Variants in SLC15A2 observed in about 807,000 individuals in gnomAD.
SLC15A2 encodes kidney H(+)/peptide cotransporter.
SLC15A2 carries 77 observed loss-of-function variants against 95.5 expected under a neutral mutation model. That is an observed-to-expected ratio of 0.81 (90% CI 0.67 to 0.97). The LOEUF is 0.97. SLC15A2 is among the 50% of genes least tolerant of loss of function. The probability of loss-of-function intolerance (pLI) is 0.00; values close to 1 mark genes in which losing one functional copy is unlikely to be tolerated. For missense variants in SLC15A2, 893 were observed against 874.4 expected, an observed-to-expected ratio of 1.02 and a Z score of -0.27; for synonymous variants, 306 against 306.9, an observed-to-expected ratio of 1.00 and a Z score of 0.03.
chr3:121,923,328 A>C, intron 11 of SLC15A2, 62 bp downstream of exon 11: 4 of 1,527,652 alleles, frequency 2.6e-6, no homozygotes, highest in Non-Finnish European at 3.6e-6. Flanking sequence ...ATTGGGGAAA[A>C]ATTAATTTCT....
At chr3:121,930,205 A>G (rs1261734241) in intron 17 of SLC15A2, among the ~76,000 whole-genome samples, 1 of 152,190 alleles carries the variant, frequency 6.6e-6, no homozygotes, top group Non-Finnish European at 1.5e-5. Context: ...CCAGAGACCA[A>G]ATCAAAAGCT....
chr3:121,929,198 C>G (rs947310024), intron 16 of SLC15A2, 52 bp downstream of exon 16: 3 of 1,602,196 alleles, frequency 1.9e-6, no homozygotes, highest in Non-Finnish European at 2.6e-6. Context: ...AGTAATATGA[C>G]TGTCTCATCA....
rs569920627 is a variant in SLC15A2, at chr3:121,930,081, T to A, written c.1553+733T>A. On this transcript the variant is annotated intron_variant, in intron 17 of 21. Coordinates refer to ENST00000489711, the MANE Select transcript of SLC15A2 (RefSeq NM_021082.4). ...CAGCTCAAAATAAGACAATGTGAGG[T>A]CAGAGAGCCATGGGCCCCCAGAAGG... is the stretch of plus-strand genomic sequence containing the variant. Among the ~76,000 whole-genome samples the A allele has an allele frequency of 5.3e-5, 8 of 152,290 alleles. No homozygotes were observed. In the South Asian group the frequency reaches 1.7e-3, roughly 32 times the overall value.
chr3:121,919,632 C>T (rs888401816), intron 7 of SLC15A2, among the ~76,000 whole-genome samples: 4 of 152,124 alleles, frequency 2.6e-5, no homozygotes, highest in South Asian at 2.1e-4. Context: ...TATCAGGAAC[C>T]GGCAAGTCGG....
intron 17 of SLC15A2, among the ~76,000 whole-genome samples, chr3:121,929,650 G>A (rs1710193587): frequency 6.6e-6 from 1 of 152,034 alleles, no homozygotes; most frequent in African/African-American, 2.4e-5. Flanking sequence ...TTCTCTCTGT[G>A]ATCGCCAGAG....
Position 121,941,200 on chromosome 3 carries a change from C to T in SLC15A2, c.*193C>T, listed in dbSNP as rs904408185. ...AGGCCCCAGAGACTCTATGTCTGCCCGTCCATCAGTGAACTCATTAAAACT... is the reference window on the plus strand; with the variant it reads ...AGGCCCCAGAGACTCTATGTCTGCCTGTCCATCAGTGAACTCATTAAAACT... On this transcript the variant is annotated 3_prime_UTR_variant, in exon 22 of 22. Coordinates refer to ENST00000489711, the MANE Select transcript of SLC15A2 (RefSeq NM_021082.4). 8 of 514,812 alleles carry T rather than the reference C, an allele frequency of 1.6e-5. No homozygotes were observed. Among genetic ancestry groups the T allele is most frequent in the Admixed American group, 3.5e-5 (1 of 28,372 alleles). 31.9% of individuals were successfully genotyped at this position (514,812 alleles called of 1,614,324 possible). A position where few individuals can be genotyped will look rare whatever the true frequency, so the allele number is the denominator to read the frequency against.
At chr3:121,913,855 C>T (rs188313210) in intron 5 of SLC15A2, among the ~76,000 whole-genome samples, 80 of 152,244 alleles carry the variant, frequency 5.3e-4, no homozygotes, top group Admixed American at 1.2e-3. Flanking sequence ...TTTTGTCTGT[C>T]TTCATGTATC....
intron 7 of SLC15A2, among the ~76,000 whole-genome samples, chr3:121,919,661 T>C (rs1576681139): frequency 1.3e-5 from 2 of 152,198 alleles, no homozygotes; most frequent in Admixed American, 1.3e-4. Flanking sequence ...CTTTAAACTG[T>C]CTTTGGCTTG....
intron 3 of SLC15A2, among the ~76,000 whole-genome samples, chr3:121,907,531 G>A (rs1240432340): frequency 6.6e-6 from 1 of 152,152 alleles, no homozygotes; most frequent in Non-Finnish European, 1.5e-5. Context: ...CTACAGATGG[G>A]GTTTTGGTGT....
chr3:121,910,551 C>G (rs1248014624), intron 3 of SLC15A2, among the ~76,000 whole-genome samples: 2 of 152,174 alleles, frequency 1.3e-5, no homozygotes, highest in Non-Finnish European at 2.9e-5. Context: ...CCCTAGAAAG[C>G]TAACCCAAGG....
In SLC15A2 at chr3:121,931,993, G is replaced by A. The variant is rs370214191; in HGVS notation, c.1761+258G>A. Among the ~76,000 whole-genome samples, 32 of 152,146 alleles carry A rather than the reference G, an allele frequency of 2.1e-4. 1 individual carries two copies. In the East Asian group the frequency reaches 6.0e-3, roughly 28 times the overall value. ...CGACTCACTGCAACCTCTGCCTCCC[G>A]GGTTAAAGTGATTCTCCTGCCTCAA... On this transcript the variant is annotated intron_variant, in intron 19 of 21. Transcript: ENST00000489711.
At chr3:121,913,266 T>A in intron 5 of SLC15A2, 146 bp downstream of exon 5, 1 of 598,744 alleles carries the variant, frequency 1.7e-6, no homozygotes, top group Non-Finnish European at 3.0e-6. Flanking sequence ...TACTGGCCAT[T>A]AATAGTGAGG....
Position 121,941,955 on chromosome 3 carries a change from T to C in SLC15A2, c.*948T>C, listed in dbSNP as rs887345416. On this transcript the variant is annotated 3_prime_UTR_variant, in exon 22 of 22. Coordinates refer to ENST00000489711, the MANE Select transcript of SLC15A2 (RefSeq NM_021082.4). ...AAATATTCAATAACAACAATGTTTC[T>C]ATAAGTCCAACTTCCTTTATTAATG... 1.3e-5 allele frequency: 2 copies of C among 152,264 alleles called. No homozygotes were observed. Among genetic ancestry groups the C allele is most frequent in the African/African-American group, 4.8e-5 (2 of 41,468 alleles). The allele number at this position is 152,264 out of a possible 1,614,324, so 9.4% of individuals were successfully genotyped here. A position where few individuals can be genotyped will look rare whatever the true frequency, so the allele number is the denominator to read the frequency against.
At chr3:121,897,147 C>T (rs1428781544) in intron 2 of SLC15A2, among the ~76,000 whole-genome samples, 2 of 151,522 alleles carry the variant, frequency 1.3e-5, no homozygotes, top group Non-Finnish European at 2.9e-5. Flanking sequence ...TAGGGGTGCA[C>T]ATAGACTGAA....
At chr3:121,935,534 T>C (rs1710324684) in intron 19 of SLC15A2, among the ~76,000 whole-genome samples, 1 of 152,174 alleles carries the variant, frequency 6.6e-6, no homozygotes, top group Non-Finnish European at 1.5e-5. Flanking sequence ...TCTTCTAGAC[T>C]TTCTAGTTTA....
intron 5 of SLC15A2, 100 bp downstream of exon 5, chr3:121,913,220 T>G (rs1576676903): frequency 1.2e-6 from 1 of 821,432 alleles, no homozygotes; most frequent in East Asian, 2.5e-5. Flanking sequence ...AATGTACTGG[T>G]CAGATCTTAT....
intron 4 of SLC15A2, among the ~76,000 whole-genome samples, chr3:121,912,761 A>C (rs1312345150): frequency 6.6e-6 from 1 of 152,168 alleles, no homozygotes; most frequent in Non-Finnish European, 1.5e-5. Flanking sequence ...TCGGATGCTC[A>C]TAAGGGGTAA....
At chr3:121,932,605 T>G (rs1559853508) in intron 19 of SLC15A2, among the ~76,000 whole-genome samples, 2 of 152,238 alleles carry the variant, frequency 1.3e-5, no homozygotes, top group South Asian at 4.1e-4. Flanking sequence ...TTTAATTTTG[T>G]TATTTCATTA....
chr3:121,894,680 T>A, intron 1 of SLC15A2, 99 bp downstream of exon 1: 1 of 733,756 alleles, frequency 1.4e-6, no homozygotes, highest in Non-Finnish European at 2.2e-6. Flanking sequence ...TGTATTAGGG[T>A]ATTAAAATGC....
Sources: gnomAD v4.1 joint callset for allele counts (sites outside exome capture counted in the v4.1 genomes callset) on GRCh38, gnomAD v4.1.1 for gene constraint, MANE v1.5 for transcripts, NCBI Gene and HGNC (gene_info 2026-07-23, HGNC 2026-07-21) for gene names.